The following MALRD1 variants were observed in gnomAD, a reference collection of about 807,000 sequenced individuals.
The protein encoded by MALRD1 is MAM and LDL-receptor class A domain-containing protein 1.
MALRD1 carries 247 observed loss-of-function variants against 242.1 expected under a neutral mutation model. The observed-to-expected ratio is 1.02, with a 90% confidence interval of 0.92 to 1.13. The LOEUF (loss-of-function observed/expected upper bound fraction) is 1.13, where lower values mean the gene tolerates loss of function less well. Among genes scored for constraint, MALRD1 ranks in the 50% most tolerant of loss-of-function variants. The pLI is 0.00. For synonymous variants in MALRD1, 995 were observed against 866.6 expected, an observed-to-expected ratio of 1.15 and a Z score of -2.60; for missense variants, 2,989 against 2,533.1, an observed-to-expected ratio of 1.18 and a Z score of -3.86.
At chr10:19,153,597 G>A (rs960885950) in intron 11 of MALRD1, among the ~76,000 whole-genome samples, 27 of 151,882 alleles carry the variant, frequency 1.8e-4, no homozygotes, top group Non-Finnish European at 3.4e-4. Context: ...GCTGAAGTTG[G>A]AGGATTGTTT....
At chr10:19,457,642 C>T (rs1406143861) in intron 29 of MALRD1, among the ~76,000 whole-genome samples, 3 of 151,032 alleles carry the variant, frequency 2.0e-5, no homozygotes, top group Non-Finnish European at 4.4e-5. Flanking sequence ...TGTTGCATTC[C>T]TAGCACATTC....
At chr10:19,107,169 T>G (rs1017082751) in intron 5 of MALRD1, among the ~76,000 whole-genome samples, 12 of 151,990 alleles carry the variant, frequency 7.9e-5, no homozygotes, top group African/African-American at 2.7e-4. Context: ...GGTTTAAATA[T>G]CATGTTTCTT....
chr10:19,286,115 CTT>C (rs1255922772), intron 21 of MALRD1, among the ~76,000 whole-genome samples: 2 of 134,200 alleles, frequency 1.5e-5, no homozygotes, highest in African/African-American at 5.6e-5. Flanking sequence ...TATCCTGAGA[CTT>C]TGCTGAAGTT....
At chr10:19,105,246 A>C (rs1836423677) in intron 5 of MALRD1, among the ~76,000 whole-genome samples, 1 of 151,962 alleles carries the variant, frequency 6.6e-6, no homozygotes, top group African/African-American at 2.4e-5. Flanking sequence ...AATTTTGCAG[A>C]TGAGTAAGAT....
intron 14 of MALRD1, among the ~76,000 whole-genome samples, chr10:19,184,581 G>A (rs7087003): frequency 3.9e-5 from 6 of 151,938 alleles, no homozygotes; most frequent in Admixed American, 1.3e-4. Flanking sequence ...CAGGGTCTTG[G>A]TCTGTTGCCC....
Position 19,393,424 on chromosome 10 carries a change from T to C in MALRD1, c.4845+3815T>C, listed in dbSNP as rs1321750407. On this transcript the variant is annotated intron_variant, in intron 28 of 39. Transcript: ENST00000454679. ...CTATTTTACCTATTTTCTAGTCACT[T>C]GTTTCCTGATGAGGTTAATTTTTTT... Among the ~76,000 whole-genome samples the C allele has an allele frequency of 2.7e-5, 4 of 150,616 alleles. No homozygotes were observed. In the East Asian group the frequency reaches 7.9e-4, roughly 30 times the overall value.
intron 22 of MALRD1, among the ~76,000 whole-genome samples, chr10:19,325,391 C>G (rs1843083079): frequency 7.0e-6 from 1 of 143,814 alleles, no homozygotes; most frequent in Non-Finnish European, 1.5e-5. Flanking sequence ...CTGGAATTAA[C>G]TATTCTTTCA....
rs1416511977 is a variant in MALRD1, at chr10:19,370,137, G to A, written c.4442-17391G>A. 4.6e-5 allele frequency among the ~76,000 whole-genome samples: 7 copies of A among 152,186 alleles called. No homozygotes were observed. The East Asian group carries it at 1.2e-3, about 25-fold the overall frequency. ...CGCTCATTTACCTATTGATTGCCTG[G>A]AAGATTTGGTTGAAAATTAATTATA... is the stretch of plus-strand genomic sequence containing the variant. On this transcript the variant is annotated intron_variant, in intron 26 of 39. Transcript: ENST00000454679.
chr10:19,181,055 A>AG (rs1835480848), intron 14 of MALRD1, among the ~76,000 whole-genome samples: 1 of 152,142 alleles, frequency 6.6e-6, no homozygotes, highest in Non-Finnish European at 1.5e-5. Context: ...ATAATTAAAA[A>AG]AAAGCGTAAC....
chr10:19,545,777 A>G (rs1023419127), intron 32 of MALRD1, among the ~76,000 whole-genome samples: 3 of 151,750 alleles, frequency 2.0e-5, no homozygotes, highest in Non-Finnish European at 4.4e-5. Flanking sequence ...TTCCCCACCA[A>G]CCCCTCACGT....
At chr10:19,588,200 A>G (rs1837548391) in intron 33 of MALRD1, among the ~76,000 whole-genome samples, 3 of 152,064 alleles carry the variant, frequency 2.0e-5, no homozygotes, top group Admixed American at 2.0e-4. Flanking sequence ...CTATGCTTTT[A>G]CTATTTATGA....
At chr10:19,160,278 A>G (rs1474257121) in intron 12 of MALRD1, among the ~76,000 whole-genome samples, 5 of 147,816 alleles carry the variant, frequency 3.4e-5, no homozygotes, top group African/African-American at 1.3e-4. Flanking sequence ...TGATTTGCGT[A>G]TATTGAACCA....
intron 21 of MALRD1, among the ~76,000 whole-genome samples, chr10:19,301,091 G>A (rs977218501): frequency 6.6e-6 from 1 of 151,906 alleles, no homozygotes; most frequent in Admixed American, 6.6e-5. Flanking sequence ...ACATATAGGA[G>A]CCCAACCAGC....
chr10:19,641,589 C>T (rs1253580699), intron 36 of MALRD1, among the ~76,000 whole-genome samples: 1 of 152,064 alleles, frequency 6.6e-6, no homozygotes, highest in Non-Finnish European at 1.5e-5. Flanking sequence ...TGGGAGGCAA[C>T]ATATAAATTA....
intron 29 of MALRD1, among the ~76,000 whole-genome samples, chr10:19,468,473 C>G (rs1349077623): frequency 6.6e-6 from 1 of 152,014 alleles, no homozygotes; most frequent in Admixed American, 6.6e-5. Flanking sequence ...TAATATATTT[C>G]TAGATCTTCT....
intron 33 of MALRD1, among the ~76,000 whole-genome samples, chr10:19,573,757 A>C (rs1034958299): frequency 1.3e-5 from 2 of 152,144 alleles, no homozygotes. Flanking sequence ...TTCTTAAGTG[A>C]CCTAATATGT....
At chr10:19,478,718 C>T (rs1164161893) in intron 29 of MALRD1, among the ~76,000 whole-genome samples, 7 of 152,174 alleles carry the variant, frequency 4.6e-5, no homozygotes, top group Admixed American at 1.3e-4. Context: ...CATTTCATCA[C>T]GTACCATGGG....
chr10:19,693,598 C>A (rs1439681141), intron 38 of MALRD1, among the ~76,000 whole-genome samples: 4 of 152,086 alleles, frequency 2.6e-5, no homozygotes, highest in Non-Finnish European at 5.9e-5. Context: ...ATGGAAGAAC[C>A]TTCCATGCTC....
chr10:19,639,642 T>C (rs1223556256), intron 36 of MALRD1, among the ~76,000 whole-genome samples: 1 of 152,130 alleles, frequency 6.6e-6, no homozygotes, highest in Non-Finnish European at 1.5e-5. Context: ...CAGATACAAA[T>C]GATTTTATTG....
Sources: allele counts gnomAD v4.1 joint callset (sites outside exome capture counted in the v4.1 genomes callset), GRCh38; gene constraint gnomAD v4.1.1; transcripts MANE v1.5; gene names NCBI Gene and HGNC (gene_info 2026-07-23, HGNC 2026-07-21).